The following PTGFRN variants were observed in gnomAD, a reference collection of about 807,000 sequenced individuals.
PTGFRN encodes prostaglandin F2 receptor inhibitor.
Under a neutral mutation model 83.2 loss-of-function variants are expected in PTGFRN, and 35 were observed. The ratio of observed to expected loss-of-function variants is 0.42; its 90% CI spans 0.32 to 0.56. PTGFRN has a LOEUF of 0.56. PTGFRN is among the 20% of genes least tolerant of loss of function. PTGFRN has a pLI of 0.11. For missense variants in PTGFRN, 1,051 were observed against 1,179.5 expected (o/e 0.89, Z 1.60); for synonymous variants, 519 against 498.6 (o/e 1.04, Z -0.55).
intron 1 of PTGFRN, among the ~76,000 whole-genome samples, chr1:116,940,718 G>T (rs1650038373): frequency 6.6e-6 from 1 of 152,196 alleles, no homozygotes; most frequent in Non-Finnish European, 1.5e-5. Flanking sequence ...GAAGTCAAAG[G>T]TAAGAGAGGT....
At chr1:116,986,695 T>C (rs1027757605) in intron 8 of PTGFRN, 106 bp from the exon 9 acceptor site, 42 of 1,127,610 alleles carry the variant, frequency 3.7e-5, no homozygotes, top group Non-Finnish European at 5.0e-5. Context: ...AATGAGACCT[T>C]ATCTCTCGGG....
chr1:116,951,108 C>T (rs1017484209), intron 4 of PTGFRN, among the ~76,000 whole-genome samples: 1 of 152,104 alleles, frequency 6.6e-6, no homozygotes, highest in Non-Finnish European at 1.5e-5. Flanking sequence ...AATCCCAACT[C>T]GAGGACTTTT....
chr1:116,917,784 G>A (rs1649441053), intron 1 of PTGFRN, among the ~76,000 whole-genome samples: 1 of 152,054 alleles, frequency 6.6e-6, no homozygotes, highest in Non-Finnish European at 1.5e-5. Context: ...ACCAGGCCTG[G>A]TTAATTTTTT....
chr1:116,929,823 G>A (rs1649748851), intron 1 of PTGFRN, among the ~76,000 whole-genome samples: 2 of 152,314 alleles, frequency 1.3e-5, no homozygotes, highest in South Asian at 4.1e-4. Context: ...CTGACTGGCT[G>A]ACTTTGCAGG....
At chr1:116,968,255 C>T (rs1018969351) in intron 6 of PTGFRN, among the ~76,000 whole-genome samples, 1 of 151,258 alleles carries the variant, frequency 6.6e-6, no homozygotes, top group African/African-American at 2.4e-5. Context: ...TAATACTTAT[C>T]TGTAAAAATT....
chr1:116,929,892 C>T (rs1649750898), intron 1 of PTGFRN, among the ~76,000 whole-genome samples: 1 of 152,198 alleles, frequency 6.6e-6, no homozygotes, highest in South Asian at 2.1e-4. Flanking sequence ...CTCTTCCCTA[C>T]ATCTTTGTTC....
intron 5 of PTGFRN, chr1:116,962,412 C>T (rs1439987526): frequency 6.6e-6 from 1 of 152,194 alleles, no homozygotes; most frequent in Non-Finnish European, 1.5e-5. Context: ...CCAGGCCTGA[C>T]CCTGCTTAGC....
chr1:116,961,982 C>T lies in PTGFRN; in HGVS notation c.1639+314C>T, dbSNP rs568373484. ...TGGTGACTCTGAGGACACTCTTTCCCCTGGAGAAACCGTTACCTCTCTGAG... is the reference window on the plus strand; with the variant it reads ...TGGTGACTCTGAGGACACTCTTTCCTCTGGAGAAACCGTTACCTCTCTGAG... On this transcript the variant is annotated intron_variant, in intron 5 of 8. Coordinates refer to ENST00000393203, the MANE Select transcript of PTGFRN (RefSeq NM_020440.4). The surrounding 1 kb of genome is among the most constrained non-coding windows in gnomAD (Gnocchi z 5.4). Among the ~76,000 whole-genome samples the T allele has an allele frequency of 7.9e-5, 12 of 152,264 alleles. No individual in the cohort carries two copies. The East Asian group carries it at 2.3e-3, about 29-fold the overall frequency.
At chr1:116,968,940 A>G (rs1423698811) in intron 6 of PTGFRN, among the ~76,000 whole-genome samples, 1 of 152,018 alleles carries the variant, frequency 6.6e-6, no homozygotes, top group Non-Finnish European at 1.5e-5. Context: ...ACATTTGTTT[A>G]TCTGTTCATC....
intron 1 of PTGFRN, among the ~76,000 whole-genome samples, chr1:116,932,761 C>A (rs541656011): frequency 2.6e-5 from 4 of 152,210 alleles, no homozygotes; most frequent in Admixed American, 2.0e-4. Flanking sequence ...TAAGCTGTTT[C>A]TTTTTCCTAC....
chr1:116,983,823 G>A (rs953795548), intron 7 of PTGFRN, among the ~76,000 whole-genome samples: 2 of 152,180 alleles, frequency 1.3e-5, no homozygotes, highest in African/African-American at 4.8e-5. Flanking sequence ...TGTCATGGCT[G>A]TTGTCTTTTG....
In PTGFRN at chr1:116,989,476, C is replaced by G. The variant is rs1180184835; in HGVS notation, c.*2509C>G. ...CCCCACCCCACCCCTGCGACAAGTGCTCTTCTAGAACAGGTTCCTACCAGC... is the reference window on the plus strand; with the variant it reads ...CCCCACCCCACCCCTGCGACAAGTGGTCTTCTAGAACAGGTTCCTACCAGC... On this transcript the variant is annotated 3_prime_UTR_variant, in exon 9 of 9. Transcript: ENST00000393203. 4 of 152,606 alleles carry G rather than the reference C, an allele frequency of 2.6e-5. No homozygotes were observed. The East Asian group carries it at 7.7e-4, about 29-fold the overall frequency. 9.5% of individuals were successfully genotyped at this position (152,606 alleles called of 1,614,324 possible). A position where few individuals can be genotyped will look rare whatever the true frequency, so the allele number is the denominator to read the frequency against.
Position 116,989,561 on chromosome 1 carries a change from C to G in PTGFRN, c.*2594C>G, listed in dbSNP as rs1459623265. ...GTCTCACACAGGTGGAATTGCACTT[C>G]TTAACAAAAAGGAACTTTATAAAAG... On this transcript the variant is annotated 3_prime_UTR_variant, in exon 9 of 9. Coordinates refer to ENST00000393203, the MANE Select transcript of PTGFRN (RefSeq NM_020440.4). The G allele has an allele frequency of 6.6e-6, 1 of 152,510 alleles. No homozygotes were observed. Among genetic ancestry groups the G allele is most frequent in the Non-Finnish European group, 1.5e-5 (1 of 68,022 alleles). The allele number at this position is 152,510 out of a possible 1,614,324, so 9.4% of individuals were successfully genotyped here.
intron 1 of PTGFRN, among the ~76,000 whole-genome samples, chr1:116,928,199 A>C (rs1264399064): frequency 1.3e-5 from 2 of 152,170 alleles, no homozygotes; most frequent in Non-Finnish European, 2.9e-5. Context: ...ACTTTGTGAG[A>C]TTTAATGGCC....
chr1:116,964,076 G>GAC (rs566508170), intron 5 of PTGFRN, among the ~76,000 whole-genome samples: 87 of 128,970 alleles, frequency 6.7e-4, no homozygotes, highest in African/African-American at 2.7e-3. Context: ...CACCGTGCCG[G>GAC]GCGCCCCCCC....
At chr1:116,944,641 T>C in intron 2 of PTGFRN, 38 bp from the exon 3 acceptor site, 1 of 1,374,700 alleles carries the variant, frequency 7.3e-7, no homozygotes. Context: ...CTGGGGTCGG[T>C]GTGGACGGGC....
At chr1:116,953,664 T>G (rs1472408133) in intron 4 of PTGFRN, among the ~76,000 whole-genome samples, 2 of 151,950 alleles carry the variant, frequency 1.3e-5, no homozygotes, top group East Asian at 3.9e-4. Flanking sequence ...TCTTAGGGCA[T>G]GGAGGAGCCC....
At chr1:116,966,731 G>T (rs999552443) in intron 5 of PTGFRN, among the ~76,000 whole-genome samples, 180 bp from the exon 6 acceptor site, 1 of 152,172 alleles carries the variant, frequency 6.6e-6, no homozygotes, top group African/African-American at 2.4e-5. Context: ...CTTTCAATGG[G>T]GTGGTTTTAG....
chr1:116,913,298 A>G (rs1453819870), intron 1 of PTGFRN, among the ~76,000 whole-genome samples: 2 of 152,210 alleles, frequency 1.3e-5, no homozygotes, highest in Non-Finnish European at 2.9e-5. Context: ...TTTGAAAGAA[A>G]GGATAGAAGA....
Sources: gnomAD v4.1 joint callset for allele counts (sites outside exome capture counted in the v4.1 genomes callset) on GRCh38, gnomAD v4.1.1 for gene constraint, Gnocchi (gnomAD v3.1) non-coding constraint, MANE v1.5 for transcripts, NCBI Gene and HGNC (gene_info 2026-07-23, HGNC 2026-07-21) for gene names.